The following FAM107B variants were observed in gnomAD, a reference collection of about 807,000 sequenced individuals.
The protein encoded by FAM107B is family with sequence similarity 107 member B, also known as protein FAM107B.
A neutral mutation model predicts 31.5 loss-of-function variants in FAM107B; 21 were observed. The observed-to-expected ratio is 0.67, with a 90% CI of 0.47 to 0.96. The LOEUF (loss-of-function observed/expected upper bound fraction) is 0.96, where lower values mean the gene tolerates loss of function less well. Ranked by LOEUF, FAM107B falls within the 40% of genes least tolerant of loss-of-function variation. FAM107B has a pLI of 0.00. For missense variants in FAM107B, 452 were observed against 377.1 expected, an observed-to-expected ratio of 1.20 and a Z score of -1.64; for synonymous variants, 157 against 141.5, an observed-to-expected ratio of 1.11 and a Z score of -0.78.
At chr10:14,736,774 G>C (rs1856309684) in intron 1 of FAM107B, among the ~76,000 whole-genome samples, 1 of 152,164 alleles carries the variant, frequency 6.6e-6, no homozygotes, top group Non-Finnish European at 1.5e-5. Context: ...TATTATTTCA[G>C]CACATTCGAC....
intron 1 of FAM107B, among the ~76,000 whole-genome samples, chr10:14,747,686 G>C (rs887420094): frequency 2.6e-5 from 4 of 152,172 alleles, no homozygotes; most frequent in African/African-American, 7.2e-5. Flanking sequence ...TGGGATCTCT[G>C]TCTCAGAGAG....
chr10:14,632,382 T>C lies in FAM107B; in HGVS notation c.469+35252A>G, dbSNP rs187734956. ...ATCCCAGCACTTTGGGAGGCCAAGGTGGGCAGATCATGAGGTCAGGAGATC... is the reference window on the plus strand; with the variant it reads ...ATCCCAGCACTTTGGGAGGCCAAGGCGGGCAGATCATGAGGTCAGGAGATC... On this transcript the variant is annotated intron_variant, in intron 2 of 4. Coordinates refer to ENST00000181796, the MANE Select transcript of FAM107B (RefSeq NM_031453.4). Among the ~76,000 whole-genome samples, 1,178 of 138,544 alleles carry C rather than the reference T, an allele frequency of 8.5e-3. 15 individuals are homozygous for C. The highest frequency in any genetic ancestry group is 0.019 in the Admixed American group (267 of 13,738). 90.9% of individuals were successfully genotyped at this position (138,544 alleles called of 152,430 possible).
At chr10:14,650,026 G>C (rs1025951381) in intron 2 of FAM107B, among the ~76,000 whole-genome samples, 5 of 152,148 alleles carry the variant, frequency 3.3e-5, no homozygotes, top group Non-Finnish European at 5.9e-5. Context: ...GTCCGAGGTG[G>C]CTGCCATAGT....
intron 1 of FAM107B, among the ~76,000 whole-genome samples, chr10:14,714,091 C>G (rs1240584476): frequency 6.6e-6 from 1 of 152,182 alleles, no homozygotes; most frequent in Non-Finnish European, 1.5e-5. Flanking sequence ...TAGACTTATT[C>G]CCTAGATGAC....
At chr10:14,544,120 G>A (rs538095084) in intron 2 of FAM107B, among the ~76,000 whole-genome samples, 2 of 152,260 alleles carry the variant, frequency 1.3e-5, no homozygotes, top group African/African-American at 4.8e-5. Flanking sequence ...GGCCCACACG[G>A]GAAGGCAGAG....
At chr10:14,721,475 G>A (rs1261488890) in intron 1 of FAM107B, among the ~76,000 whole-genome samples, 2 of 152,182 alleles carry the variant, frequency 1.3e-5, no homozygotes, top group African/African-American at 4.8e-5. Flanking sequence ...GTGTAAAAGT[G>A]TTCCTATTTC....
chr10:14,632,440 T>A (rs1252161099), intron 2 of FAM107B, among the ~76,000 whole-genome samples: 5 of 150,924 alleles, frequency 3.3e-5, no homozygotes, highest in Non-Finnish European at 7.4e-5. Context: ...TGAATCCCCG[T>A]CTCTACTAAA....
At chr10:14,767,047 TATATATATAGAGAGAG>T (rs1474551190) in intron 1 of FAM107B, among the ~76,000 whole-genome samples, 200 of 38,206 alleles carry the variant, frequency 5.2e-3, no homozygotes, top group African/African-American at 0.016. Context: ...TATATATATA[TATATATATAGAGAGAG>T]AGAGAGAGAG....
chr10:14,698,507 T>A (rs557420955), intron 1 of FAM107B, among the ~76,000 whole-genome samples: 35 of 152,386 alleles, frequency 2.3e-4, no homozygotes, highest in Non-Finnish European at 4.1e-4. Flanking sequence ...GCATTGCACA[T>A]CATCATTTGA....
intron 2 of FAM107B, among the ~76,000 whole-genome samples, chr10:14,531,375 C>A (rs1045824458): frequency 2.6e-5 from 4 of 151,864 alleles, no homozygotes; most frequent in Non-Finnish European, 5.9e-5. Context: ...TGGAAATGCC[C>A]TGGGCATAGT....
chr10:14,724,267 G>T (rs112290063), intron 1 of FAM107B, among the ~76,000 whole-genome samples: 1 of 152,064 alleles, frequency 6.6e-6, no homozygotes, highest in African/African-American at 2.4e-5. Context: ...TACATTTGGG[G>T]GTAATTTTTG....
chr10:14,754,701 A>C (rs1832895003), intron 1 of FAM107B, among the ~76,000 whole-genome samples: 1 of 151,994 alleles, frequency 6.6e-6, no homozygotes, highest in Admixed American at 6.6e-5. Context: ...GCCTGCCCTG[A>C]CTCTGGCCTT....
chr10:14,767,095 G>GAGAC (rs1833196097), intron 1 of FAM107B, among the ~76,000 whole-genome samples: 1 of 113,496 alleles, frequency 8.8e-6, no homozygotes, highest in Non-Finnish European at 1.7e-5. Flanking sequence ...GAGAGAGAGA[G>GAGAC]AGAGACAGAG....
intron 2 of FAM107B, among the ~76,000 whole-genome samples, chr10:14,655,484 A>T (rs1349559069): frequency 3.9e-5 from 6 of 152,166 alleles, no homozygotes; most frequent in Admixed American, 2.0e-4. Flanking sequence ...CAGTGGCGCA[A>T]TCTTGGCCCA....
chr10:14,584,391 G>A (rs986811030), intron 2 of FAM107B, among the ~76,000 whole-genome samples: 7 of 152,204 alleles, frequency 4.6e-5, no homozygotes, highest in South Asian at 2.1e-4. Context: ...TCCAGCTGCC[G>A]ATGAGAATTA....
chr10:14,768,348 T>G, intron 1 of FAM107B, among the ~76,000 whole-genome samples: 1 of 152,222 alleles, frequency 6.6e-6, no homozygotes, highest in East Asian at 1.9e-4. Context: ...AAACAATCTT[T>G]GAAATGGGAG....
chr10:14,546,538 T>A (rs1015459999), intron 2 of FAM107B, among the ~76,000 whole-genome samples: 3 of 152,234 alleles, frequency 2.0e-5, no homozygotes, highest in Non-Finnish European at 4.4e-5. Context: ...ACAGTCGTCA[T>A]GATGATTTTT....
At chr10:14,523,970 G>A (rs1588462675) in intron 3 of FAM107B, among the ~76,000 whole-genome samples, 1 of 148,444 alleles carries the variant, frequency 6.7e-6, no homozygotes, top group Admixed American at 6.8e-5. Flanking sequence ...GGGCCCCAGC[G>A]ATCCTCCCAC....
intron 1 of FAM107B, among the ~76,000 whole-genome samples, chr10:14,767,099 G>GAGAGAGAC (rs1438667429): frequency 7.3e-5 from 8 of 110,022 alleles, no homozygotes; most frequent in Non-Finnish European, 1.4e-4. Context: ...GAGAGAGAGA[G>GAGAGAGAC]ACAGAGAGAG....
Sources: gnomAD v4.1 joint callset for allele counts (sites outside exome capture counted in the v4.1 genomes callset) on GRCh38, gnomAD v4.1.1 for gene constraint, MANE v1.5 for transcripts, NCBI Gene and HGNC (gene_info 2026-07-23, HGNC 2026-07-21) for gene names.